TBC1D1: variants seen among roughly 807,000 people sequenced by gnomAD.
TBC1D1 encodes the protein TBC1 (tre-2/USP6, BUB2, cdc16) domain family, member 1.
A neutral mutation model predicts 125.6 loss-of-function variants in TBC1D1; 89 were observed. The ratio of observed to expected loss-of-function variants is 0.71; its 90% CI spans 0.60 to 0.85. The LOEUF (loss-of-function observed/expected upper bound fraction) is 0.85, where lower values mean the gene tolerates loss of function less well. Among genes scored for constraint, TBC1D1 ranks in the 40% least tolerant of loss-of-function variants. TBC1D1 has a pLI of 0.00. For missense variants in TBC1D1, 1,377 were observed against 1,469.2 expected (o/e 0.94, Z 1.03); for synonymous variants, 565 against 564.1 (o/e 1.00, Z -0.02).
intron 2 of TBC1D1, among the ~76,000 whole-genome samples, chr4:37,959,151 T>C (rs182905590): frequency 1.3e-5 from 2 of 152,280 alleles, no homozygotes; most frequent in African/African-American, 4.8e-5. Flanking sequence ...CAGTTGACCC[T>C]TGAACAATGT....
chr4:38,025,374 G>A (rs1744870218), intron 6 of TBC1D1, among the ~76,000 whole-genome samples: 1 of 152,230 alleles, frequency 6.6e-6, no homozygotes, highest in Non-Finnish European at 1.5e-5. Flanking sequence ...TTCAGTGGGT[G>A]TACAGAAACC....
chr4:38,044,820 A>G (rs1327330344), intron 9 of TBC1D1, among the ~76,000 whole-genome samples: 1 of 152,238 alleles, frequency 6.6e-6, no homozygotes, highest in Non-Finnish European at 1.5e-5. Context: ...ATCACTATGT[A>G]TAACTTAAAA....
intron 11 of TBC1D1, among the ~76,000 whole-genome samples, chr4:38,053,743 G>A (rs917335260): frequency 3.9e-5 from 6 of 152,228 alleles, no homozygotes; most frequent in African/African-American, 1.4e-4. Context: ...TTGCCTTGCT[G>A]GTTCTGTGTA....
intron 1 of TBC1D1, among the ~76,000 whole-genome samples, chr4:37,897,102 G>T (rs1233550113): frequency 1.3e-5 from 2 of 152,112 alleles, no homozygotes; most frequent in Non-Finnish European, 2.9e-5. Context: ...GTTCTCCTTG[G>T]AATATGAGGT....
intron 15 of TBC1D1, among the ~76,000 whole-genome samples, chr4:38,107,735 G>A (rs1030334533): frequency 6.6e-5 from 10 of 152,074 alleles, no homozygotes; most frequent in South Asian, 2.1e-4. Flanking sequence ...GGCACGTGCC[G>A]TTATTTCCAA....
At chr4:37,940,010 T>C (rs1481981639) in intron 2 of TBC1D1, among the ~76,000 whole-genome samples, 1 of 152,188 alleles carries the variant, frequency 6.6e-6, no homozygotes, top group Non-Finnish European at 1.5e-5. Flanking sequence ...ATGCAGGCTC[T>C]TTTTTGGTTC....
chr4:37,901,071 CA>C (rs60371395), intron 1 of TBC1D1, among the ~76,000 whole-genome samples: 63,787 of 136,234 alleles, frequency 0.47, 14,835 homozygotes, highest in African/African-American at 0.65. Flanking sequence ...GACTCTGTCT[CA>C]AAAAAAAAAA....
intron 11 of TBC1D1, among the ~76,000 whole-genome samples, chr4:38,053,987 G>A (rs886782776): frequency 6.6e-6 from 1 of 152,222 alleles, no homozygotes; most frequent in African/African-American, 2.4e-5. Flanking sequence ...TTAAGGGCAT[G>A]TAATCTTTCT....
intron 2 of TBC1D1, among the ~76,000 whole-genome samples, chr4:37,903,639 A>C (rs1716651017): frequency 6.6e-6 from 1 of 152,212 alleles, no homozygotes; most frequent in South Asian, 2.1e-4. Context: ...CTAGGGTGTA[A>C]GGACCTTATT....
At chr4:37,909,025 G>A (rs1173460808) in intron 2 of TBC1D1, among the ~76,000 whole-genome samples, 1 of 152,178 alleles carries the variant, frequency 6.6e-6, no homozygotes, top group Admixed American at 6.5e-5. Context: ...TGAACCGTGT[G>A]GGCTCCCTTA....
At position 38,014,372 on chromosome 4, in the gene TBC1D1, C is replaced by T; in HGVS notation, c.418-137C>T. 1.3e-6 allele frequency: 1 copy of T among 756,778 alleles called. No individual in the cohort carries two copies. Among genetic ancestry groups the T allele is most frequent in the Non-Finnish European group, 2.2e-6 (1 of 464,048 alleles). 46.9% of individuals were successfully genotyped at this position (756,778 alleles called of 1,614,324 possible). On this transcript the variant is annotated intron_variant, in intron 2 of 19. Coordinates refer to ENST00000261439, the MANE Select transcript of TBC1D1 (RefSeq NM_015173.4). The surrounding 1 kb of genome is among the most constrained non-coding windows in gnomAD (Gnocchi z 5.1). ...CATTCCTAGTCCCCTCCCGTGGGCT[C>T]CTCCTCCAGTGGGCTCCTCCTCCAG...
intron 2 of TBC1D1, among the ~76,000 whole-genome samples, chr4:37,928,232 T>C (rs576895367): frequency 6.6e-6 from 1 of 152,352 alleles, no homozygotes; most frequent in East Asian, 1.9e-4. Flanking sequence ...AAAAATAATA[T>C]GATTATCTTC....
intron 2 of TBC1D1, among the ~76,000 whole-genome samples, chr4:37,991,533 C>A (rs1736565084): frequency 6.6e-6 from 1 of 152,178 alleles, no homozygotes; most frequent in Non-Finnish European, 1.5e-5. Flanking sequence ...TCACTTAGCA[C>A]CTGCTGCTGA....
rs1716480622 is a variant in TBC1D1 at position 37,903,166 on chromosome 4, C to G, written c.417+654C>G. On this transcript the variant is annotated intron_variant, in intron 2 of 19. Transcript: ENST00000261439. ...TTGTGTTTTTTTCTTTCGCAAACCT[C>G]AGGTCAGATCTGATTAGCTTGTTAT... Among the ~76,000 whole-genome samples the G allele has an allele frequency of 2.6e-5, 4 of 152,078 alleles. No homozygotes were observed. In the South Asian group the frequency reaches 8.3e-4, roughly 32 times the overall value.
chr4:37,974,787 G>A lies in TBC1D1; in HGVS notation c.418-39722G>A, dbSNP rs1004059762. 4.6e-5 allele frequency among the ~76,000 whole-genome samples: 7 copies of A among 152,146 alleles called. No individual in the cohort carries two copies. The East Asian group carries it at 1.4e-3, about 29-fold the overall frequency. ...GTGGCCAGGGTGGTCTTGAACTCCT[G>A]ACCCCAGGTGATCTACCTGCCTTGG... is the stretch of plus-strand genomic sequence containing the variant. On this transcript the variant is annotated intron_variant, in intron 2 of 19. Transcript: ENST00000261439.
At chr4:37,960,736 A>T in intron 2 of TBC1D1, 1 of 1,614,216 alleles carries the variant, frequency 6.2e-7, no homozygotes, top group Non-Finnish European at 8.5e-7. Flanking sequence ...GTTAAAACAA[A>T]AAGTTCTGTT....
At chr4:38,130,916 T>C (rs1765479295) in intron 18 of TBC1D1, among the ~76,000 whole-genome samples, 1 of 152,228 alleles carries the variant, frequency 6.6e-6, no homozygotes, top group Admixed American at 6.5e-5. Flanking sequence ...TTGTGCTGTC[T>C]AAGTGTGCAA....
At chr4:37,912,747 C>A (rs1318056377) in intron 2 of TBC1D1, among the ~76,000 whole-genome samples, 1 of 152,192 alleles carries the variant, frequency 6.6e-6, no homozygotes, top group African/African-American at 2.4e-5. Flanking sequence ...GATGCAGCAA[C>A]AAAGCTCCAT....
chr4:38,108,655 C>T (rs11724382), intron 15 of TBC1D1, among the ~76,000 whole-genome samples: 9,798 of 152,240 alleles, frequency 0.064, 442 homozygotes, highest in Non-Finnish European at 0.098. Flanking sequence ...GTGTGGGTCA[C>T]GGGTCCAGCA....
Sources: allele counts gnomAD v4.1 joint callset (sites outside exome capture counted in the v4.1 genomes callset), GRCh38; gene constraint gnomAD v4.1.1; non-coding constraint Gnocchi (gnomAD v3.1); transcripts MANE v1.5; gene names NCBI Gene and HGNC (gene_info 2026-07-23, HGNC 2026-07-21).